The following IMPG1 variants were observed in gnomAD, a reference collection of about 807,000 sequenced individuals.
IMPG1 encodes the protein interphotoreceptor matrix proteoglycan 1, also known as interphotoreceptor matrix proteoglycan of 150 kDa.
Under a neutral mutation model 92.0 loss-of-function variants are expected in IMPG1, and 85 were observed. The ratio of observed to expected loss-of-function variants is 0.92; its 90% CI spans 0.78 to 1.11. The LOEUF (loss-of-function observed/expected upper bound fraction) is 1.11, where lower values mean the gene tolerates loss of function less well. IMPG1 is among the 50% of genes least tolerant of loss of function. IMPG1 has a pLI of 0.00. For synonymous variants in IMPG1, 367 were observed against 334.1 expected (o/e 1.10, Z -1.08); for missense variants, 1,022 against 956.0 (o/e 1.07, Z -0.91).
intron 4 of IMPG1, among the ~76,000 whole-genome samples, chr6:76,029,513 A>G (rs552014231): frequency 6.6e-6 from 1 of 152,338 alleles, no homozygotes; most frequent in South Asian, 2.1e-4. Flanking sequence ...ATTAAATTCT[A>G]AACTCATTAG....
At position 75,951,061 on chromosome 6, in the gene IMPG1, G is replaced by T. The variant is rs747121824; in HGVS notation, c.1325C>A (p.Thr442Asn). 1.2e-5 allele frequency: 19 copies of T among 1,613,252 alleles called. No homozygotes were observed. Among genetic ancestry groups the T allele is most frequent in the Non-Finnish European group, 1.6e-5 (19 of 1,179,566 alleles). ...TSWSPPAMAS[T>N]SLSEAPPFFM... Reference sequence around the variant, plus strand: ...GAAAGGTGGAGCTTCTGACAGGGAGGTAGAGGCCATAGCAGGTGGAGACCA... The same window carrying T: ...GAAAGGTGGAGCTTCTGACAGGGAGTTAGAGGCCATAGCAGGTGGAGACCA... Residue 442 changes from threonine (T) to asparagine (N), a missense_variant, in exon 13 of 17, where the codon ACC becomes AAC. Thr to Asn is a moderately conservative substitution (Grantham distance 65). This residue lies in a region of IMPG1 where 681 missense variants were observed against 583.6 expected (regional missense o/e 1.17). Transcript: ENST00000369950.
chr6:76,002,688 C>T lies in IMPG1; in HGVS notation c.1291+230G>A, dbSNP rs186076449. Among the ~76,000 whole-genome samples the T allele has an allele frequency of 1.3e-4, 20 of 152,292 alleles. No individual in the cohort carries two copies. The South Asian group carries it at 2.9e-3, about 22-fold the overall frequency. On this transcript the variant is annotated intron_variant, in intron 12 of 16. Transcript: ENST00000369950. ...ACCAGTTCCATTAGAAAAGGGCTGC[C>T]GGTGCTGGCTGTAGGACTGGGAACT...
At chr6:76,002,830 T>G in intron 12 of IMPG1, 88 bp downstream of exon 12, 2 of 1,028,160 alleles carry the variant, frequency 1.9e-6, no homozygotes, top group Non-Finnish European at 3.1e-6. Context: ...CGGGATGGCT[T>G]TGTCACTGGT....
At chr6:76,070,280 C>G (rs532584280) in intron 1 of IMPG1, among the ~76,000 whole-genome samples, 1 of 152,234 alleles carries the variant, frequency 6.6e-6, no homozygotes, top group South Asian at 2.1e-4. Flanking sequence ...CATTGAGATA[C>G]TATCTCACAT....
Position 76,034,703 on chromosome 6 carries a change from A to C in IMPG1, c.386T>G (p.Ile129Ser), listed in dbSNP as rs773170832. The C allele has an allele frequency of 6.2e-7, 1 of 1,614,148 alleles. No individual in the cohort carries two copies. The highest frequency in any genetic ancestry group is 1.1e-5 in the South Asian group (1 of 91,086). The change falls in exon 3 of 17, where the codon ATC (isoleucine) becomes AGC (serine). Residue 129 changes from isoleucine (I) to serine (S), a missense_variant. By Grantham distance (142) the Ile-to-Ser change is moderately radical (BLOSUM62 -2). Coordinates refer to ENST00000369950, the MANE Select transcript of IMPG1 (RefSeq NM_001563.4). The part of the protein sequence containing the change: ...DTGEYQDWVS[I>S]CQQETFCLFD... ...GAGGCAGAAGGTCTCCTGCTGGCAG[A>C]TGCTGACCCAGTCCTGATATTCCCC...
At chr6:76,067,508 A>C (rs554487721) in intron 1 of IMPG1, among the ~76,000 whole-genome samples, 1 of 152,162 alleles carries the variant, frequency 6.6e-6, no homozygotes, top group Non-Finnish European at 1.5e-5. Context: ...AATCCTGAAT[A>C]GAACAATAAT....
At chr6:76,043,545 A>G (rs1383096040) in intron 1 of IMPG1, among the ~76,000 whole-genome samples, 1 of 152,170 alleles carries the variant, frequency 6.6e-6, no homozygotes, top group Non-Finnish European at 1.5e-5. Flanking sequence ...AAATTTATAG[A>G]TTAATTGGCT....
At chr6:75,944,759 C>T (rs1361936126) in intron 14 of IMPG1, among the ~76,000 whole-genome samples, 1 of 152,204 alleles carries the variant, frequency 6.6e-6, no homozygotes, top group Non-Finnish European at 1.5e-5. Context: ...AGTCATTCAA[C>T]ATTCAACAGC....
At position 75,947,323 on chromosome 6, in the gene IMPG1, T is replaced by C. The variant is rs1222808588; in HGVS notation, c.2035A>G (p.Ile679Val). ...HLEIDSYSLNIEPADQADPCK... is the reference protein window; with the variant it reads ...HLEIDSYSLNVEPADQADPCK... ...GGTTGGATTCTTTTACCTGGTTCAA[T>C]GTTGAGAGAGTAGCTGTCTATTTCC... Residue 679 changes from isoleucine (I) to valine (V), a missense_variant, in exon 14 of 17, where the codon ATT (isoleucine) becomes GTT (valine). Physicochemically the swap from Ile to Val is conservative, Grantham distance 29. Coordinates refer to ENST00000369950, the MANE Select transcript of IMPG1 (RefSeq NM_001563.4). The C allele has an allele frequency of 1.2e-6, 2 of 1,612,572 alleles. No homozygotes were observed. The highest frequency in any genetic ancestry group is 4.5e-5 in the East Asian group (2 of 44,880).
intron 14 of IMPG1, among the ~76,000 whole-genome samples, chr6:75,940,147 TATTC>T (rs1370336566): frequency 2.0e-5 from 3 of 152,210 alleles, no homozygotes; most frequent in Non-Finnish European, 2.9e-5. Context: ...CTGTTGGGGT[TATTC>T]AGAGTTCCAT....
At chr6:75,972,185 A>G (rs558765010) in intron 12 of IMPG1, among the ~76,000 whole-genome samples, 2 of 152,248 alleles carry the variant, frequency 1.3e-5, no homozygotes, top group South Asian at 4.1e-4. Context: ...CCTGCATATT[A>G]TAGAATTACT....
At chr6:75,999,497 A>G (rs1347104717) in intron 12 of IMPG1, among the ~76,000 whole-genome samples, 1 of 152,170 alleles carries the variant, frequency 6.6e-6, no homozygotes, top group African/African-American at 2.4e-5. Flanking sequence ...TGTACATGGG[A>G]AAAGGCCAGA....
At chr6:75,951,549 A>G (rs1299298991) in intron 12 of IMPG1, among the ~76,000 whole-genome samples, 3 of 152,272 alleles carry the variant, frequency 2.0e-5, no homozygotes, top group African/African-American at 7.2e-5. Context: ...CAGAAATTTT[A>G]TTCACTTTCC....
intron 4 of IMPG1, among the ~76,000 whole-genome samples, chr6:76,027,143 A>C (rs1164045600): frequency 6.6e-6 from 1 of 152,238 alleles, no homozygotes. Context: ...TTTAAGAAAT[A>C]AAAACAGCCT....
chr6:75,982,967 G>C (rs1337482814), intron 12 of IMPG1, among the ~76,000 whole-genome samples: 2 of 151,984 alleles, frequency 1.3e-5, no homozygotes, highest in African/African-American at 4.8e-5. Flanking sequence ...TTCATCTAGA[G>C]AATGTCCCTG....
In IMPG1 at chr6:75,999,115, C is replaced by A. The variant is rs1222828175; in HGVS notation, c.1291+3803G>T. 2.0e-5 allele frequency among the ~76,000 whole-genome samples: 3 copies of A among 151,992 alleles called. No homozygotes were observed. The East Asian group carries it at 5.8e-4, about 29-fold the overall frequency. Reference sequence around the variant, plus strand: ...CAAGGGATCTGCCTGCCTCGGCCTCCCAAAGTGCTGGGATTACAGGCATGA... The same window carrying A: ...CAAGGGATCTGCCTGCCTCGGCCTCACAAAGTGCTGGGATTACAGGCATGA... On this transcript the variant is annotated intron_variant, in intron 12 of 16. Transcript: ENST00000369950.
intron 12 of IMPG1, among the ~76,000 whole-genome samples, chr6:75,988,772 T>C (rs951699398): frequency 1.1e-4 from 16 of 152,184 alleles, no homozygotes; most frequent in Admixed American, 9.8e-4. Context: ...CATTACTCTT[T>C]TAAATCGCTT....
chr6:75,943,045 A>G (rs1006473281), intron 14 of IMPG1, among the ~76,000 whole-genome samples: 2 of 152,076 alleles, frequency 1.3e-5, no homozygotes, highest in Non-Finnish European at 2.9e-5. Context: ...TGGTGGTGAG[A>G]ATTTTTGGGT....
chr6:75,975,128 C>T (rs1460424274), intron 12 of IMPG1, among the ~76,000 whole-genome samples: 1 of 152,160 alleles, frequency 6.6e-6, no homozygotes, highest in Non-Finnish European at 1.5e-5. Flanking sequence ...TCTTGGTAGC[C>T]CCTTACACAG....
Sources: gnomAD v4.1 joint callset for allele counts (sites outside exome capture counted in the v4.1 genomes callset) on GRCh38, gnomAD v4.1.1 for gene constraint, gnomAD v4.1.1 regional missense constraint, MANE v1.5 for transcripts, NCBI Gene and HGNC (gene_info 2026-07-23, HGNC 2026-07-21) for gene names.